ARHGAP19: variants seen among roughly 807,000 people sequenced by gnomAD.
ARHGAP19 encodes rho GTPase-activating protein 19.
In ARHGAP19, 48 loss-of-function variants were observed where a neutral mutation model predicts 60.9. The observed-to-expected ratio is 0.79, with a 90% CI of 0.62 to 1.00. The LOEUF (loss-of-function observed/expected upper bound fraction) is 1.00. Among genes scored for constraint, ARHGAP19 ranks in the 50% least tolerant of loss-of-function variants. The pLI, the probability that ARHGAP19 is intolerant of heterozygous loss-of-function variation, is 0.00. For synonymous variants in ARHGAP19, 209 were observed against 215.5 expected, an observed-to-expected ratio of 0.97 and a Z score of 0.27; for missense variants, 562 against 597.2, an observed-to-expected ratio of 0.94 and a Z score of 0.61.
At chr10:97,227,750 T>C (rs1179940286) in intron 11 of ARHGAP19, among the ~76,000 whole-genome samples, 1 of 152,210 alleles carries the variant, frequency 6.6e-6, no homozygotes, top group East Asian at 1.9e-4. Flanking sequence ...TACACATATG[T>C]ACCTACACAA....
At chr10:97,281,152 G>A (rs950026627) in intron 1 of ARHGAP19, among the ~76,000 whole-genome samples, 2 of 151,486 alleles carry the variant, frequency 1.3e-5, no homozygotes, top group African/African-American at 2.4e-5. Context: ...TGAGGACAAG[G>A]TGGCAGGATC....
intron 8 of ARHGAP19, 94 bp from the exon 9 acceptor site, chr10:97,235,409 G>A: frequency 8.8e-7 from 1 of 1,140,194 alleles, no homozygotes. Context: ...TAAAAGTCCA[G>A]GAAAAACTGA....
intron 8 of ARHGAP19, among the ~76,000 whole-genome samples, chr10:97,238,656 G>A (rs1161358457): frequency 1.3e-5 from 2 of 152,152 alleles, no homozygotes; most frequent in South Asian, 4.1e-4. Context: ...TTTAAGCTAA[G>A]TGTTATTACA....
chr10:97,238,598 T>C (rs2484880), intron 8 of ARHGAP19, among the ~76,000 whole-genome samples: 46,187 of 152,062 alleles, frequency 0.3, 7,134 homozygotes, highest in African/African-American at 0.32. Context: ...GCTTATAGCA[T>C]AAAGATATTC....
At chr10:97,278,581 A>G (rs1564728289) in intron 1 of ARHGAP19, among the ~76,000 whole-genome samples, 1 of 152,200 alleles carries the variant, frequency 6.6e-6, no homozygotes, top group Non-Finnish European at 1.5e-5. Context: ...TATCATGTCA[A>G]AGTGGCATAA....
chr10:97,265,007 C>T, intron 2 of ARHGAP19, 101 bp from the exon 3 acceptor site: 2 of 867,608 alleles, frequency 2.3e-6, no homozygotes, highest in Admixed American at 4.7e-5. Flanking sequence ...ATTCAGCAAG[C>T]ATTTTCACAT....
intron 8 of ARHGAP19, among the ~76,000 whole-genome samples, chr10:97,241,602 A>G (rs1842482817): frequency 1.3e-5 from 2 of 150,580 alleles, no homozygotes; most frequent in Non-Finnish European, 3.0e-5. Context: ...AGTCCTAGCT[A>G]TTCAGCAGGC....
intron 1 of ARHGAP19, among the ~76,000 whole-genome samples, chr10:97,268,708 C>T (rs1357990621): frequency 1.3e-5 from 2 of 152,160 alleles, no homozygotes; most frequent in Non-Finnish European, 2.9e-5. Context: ...GAGAACAGCA[C>T]AGGAAAAACC....
chr10:97,271,517 T>C (rs977014824), intron 1 of ARHGAP19, among the ~76,000 whole-genome samples: 11 of 152,078 alleles, frequency 7.2e-5, no homozygotes, highest in Non-Finnish European at 1.5e-4. Context: ...TCAAATGACA[T>C]GATCAGTAAC....
intron 9 of ARHGAP19, among the ~76,000 whole-genome samples, chr10:97,234,415 T>TAAAAAAAAAAAAAAAAAAAAAAA (rs10592924): frequency 8.1e-6 from 1 of 124,172 alleles, no homozygotes. Flanking sequence ...AAATAAAAAT[T>TAAAAAAAAAAAAAAAAAAAAAAA]AAAAAAAAAA....
intron 1 of ARHGAP19, among the ~76,000 whole-genome samples, chr10:97,289,988 G>T (rs1329255441): frequency 6.6e-6 from 1 of 151,796 alleles, no homozygotes; most frequent in Admixed American, 6.6e-5. Flanking sequence ...TAAAGAACTG[G>T]ATGAAGGATG....
In ARHGAP19 at chr10:97,291,755, G is replaced by A. The variant is rs528937299; in HGVS notation, c.56+817C>T. 2.0e-5 allele frequency among the ~76,000 whole-genome samples: 3 copies of A among 152,242 alleles called. No homozygotes were observed. The South Asian group carries it at 6.2e-4, about 32-fold the overall frequency. Reference sequence around the variant, plus strand: ...AAGTATTTTACTGAGTTACACTGAGGCAACGTAAATAAACTCAATCTATTG... The same window carrying A: ...AAGTATTTTACTGAGTTACACTGAGACAACGTAAATAAACTCAATCTATTG... On this transcript the variant is annotated intron_variant, in intron 1 of 11. Transcript: ENST00000358531.
intron 1 of ARHGAP19, among the ~76,000 whole-genome samples, chr10:97,272,173 T>A (rs998514295): frequency 2.1e-5 from 3 of 140,930 alleles, no homozygotes; most frequent in Non-Finnish European, 4.6e-5. Context: ...TCTCACTCTG[T>A]CACCCGAACT....
At chr10:97,226,675 T>C (rs1850902304) in intron 11 of ARHGAP19, among the ~76,000 whole-genome samples, 1 of 152,242 alleles carries the variant, frequency 6.6e-6, no homozygotes, top group Admixed American at 6.5e-5. Flanking sequence ...AGTCTGACCT[T>C]TGTCTTCTAG....
At position 97,229,109 on chromosome 10, in the gene ARHGAP19, T is replaced by C. The variant is rs577019086; in HGVS notation, c.1474+38A>G. 8.1e-5 allele frequency: 126 copies of C among 1,549,558 alleles called. 3 individuals carry two copies. In the South Asian group the frequency reaches 1.4e-3, roughly 17 times the overall value. ...CTACTGACTAGATGCAGAAAGGAATTACATTTAGTAAGAACAGAGAGTAAG... is the reference window on the plus strand; with the variant it reads ...CTACTGACTAGATGCAGAAAGGAATCACATTTAGTAAGAACAGAGAGTAAG... On this transcript the variant is annotated intron_variant, in intron 11 of 11. Coordinates refer to ENST00000358531, the MANE Select transcript of ARHGAP19 (RefSeq NM_032900.6).
At chr10:97,262,005 A>G (rs1842835468) in intron 4 of ARHGAP19, among the ~76,000 whole-genome samples, 2 of 152,174 alleles carry the variant, frequency 1.3e-5, no homozygotes, top group African/African-American at 2.4e-5. Context: ...GAAAAGGAAT[A>G]TATGTATTTG....
chr10:97,289,124 T>C (rs1843195884), intron 1 of ARHGAP19, among the ~76,000 whole-genome samples: 2 of 149,442 alleles, frequency 1.3e-5, no homozygotes, highest in Admixed American at 1.3e-4. Context: ...GCTTTTTTTT[T>C]TTTTTTTCGA....
rs1377081193 is a variant in ARHGAP19, at chr10:97,226,138, T to C, written c.1475-6A>G. On this transcript the variant is annotated splice_region_variant and splice_polypyrimidine_tract_variant and intron_variant, in intron 11 of 11. Transcript: ENST00000358531. ...CTGGATCCTTCAGAGAAATCCTAGG[T>C]TGAAGGAAAAACAAGAGCGTTAGAC... 1 of 1,613,756 alleles carries C rather than the reference T, an allele frequency of 6.2e-7. No individual in the cohort carries two copies. Among genetic ancestry groups the C allele is most frequent in the Admixed American group, 1.7e-5 (1 of 59,986 alleles).
intron 1 of ARHGAP19, among the ~76,000 whole-genome samples, chr10:97,271,088 AAG>A (rs994814093): frequency 3.9e-5 from 6 of 152,174 alleles, no homozygotes; most frequent in African/African-American, 1.4e-4. Context: ...GCAACAGAGA[AAG>A]AGTTTCTTAA....
Sources: allele counts gnomAD v4.1 joint callset (sites outside exome capture counted in the v4.1 genomes callset), GRCh38; gene constraint gnomAD v4.1.1; transcripts MANE v1.5; gene names NCBI Gene and HGNC (gene_info 2026-07-23, HGNC 2026-07-21).